Variants in FAM227B observed in about 807,000 individuals in gnomAD.
The protein encoded by FAM227B is family with sequence similarity 227 member B, also known as protein FAM227B.
Under a neutral mutation model 73.8 loss-of-function variants are expected in FAM227B, and 88 were observed. That is an observed-to-expected ratio of 1.19 (90% confidence interval 1.00 to 1.42). FAM227B has a LOEUF of 1.42. FAM227B is among the 40% of genes most tolerant of loss of function. FAM227B has a pLI of 0.00. For missense variants in FAM227B, 632 were observed against 590.9 expected (o/e 1.07, Z -0.72); for synonymous variants, 210 against 190.5 (o/e 1.10, Z -0.84).
chr15:49,544,867 G>C (rs559493473), intron 9 of FAM227B, among the ~76,000 whole-genome samples: 1 of 152,130 alleles, frequency 6.6e-6, no homozygotes, highest in Admixed American at 6.6e-5. Flanking sequence ...CTTGATCGTG[G>C]TGTATGATAT....
chr15:49,602,125 G>C (rs1308707672), intron 3 of FAM227B, among the ~76,000 whole-genome samples: 1 of 152,134 alleles, frequency 6.6e-6, no homozygotes, highest in Admixed American at 6.5e-5. Context: ...ATATCTCTTT[G>C]ACATACTGAT....
chr15:49,365,666 A>T lies in FAM227B; in HGVS notation c.1271+1782T>A, dbSNP rs969779517. 3.8e-6 allele frequency: 4 copies of T among 1,044,262 alleles called. No individual in the cohort carries two copies. In the African/African-American group the frequency reaches 4.7e-5, roughly 12 times the overall value. 64.7% of individuals were successfully genotyped at this position (1,044,262 alleles called of 1,614,324 possible). On this transcript the variant is annotated intron_variant, in intron 13 of 15. Transcript: ENST00000299338. ...AGGAGAAGGCCTAGAAGTATCACAC[A>T]TGACTTGAAGCTGGCCAACTTCAGT...
At chr15:49,453,903 G>A (rs913146655) in intron 11 of FAM227B, among the ~76,000 whole-genome samples, 2 of 152,120 alleles carry the variant, frequency 1.3e-5, no homozygotes, top group Non-Finnish European at 2.9e-5. Context: ...CAAAGTGGAA[G>A]CCTTGCATTC....
chr15:49,366,501 T>C, intron 13 of FAM227B: 1 of 1,269,240 alleles, frequency 7.9e-7, no homozygotes. Flanking sequence ...ATCAAACTAA[T>C]GGAAGTTGCA....
At chr15:49,391,242 A>T (rs1315697058) in intron 11 of FAM227B, among the ~76,000 whole-genome samples, 1 of 152,058 alleles carries the variant, frequency 6.6e-6, no homozygotes, top group Non-Finnish European at 1.5e-5. Flanking sequence ...TTATTCACAC[A>T]TTTCTTTAAG....
intron 11 of FAM227B, among the ~76,000 whole-genome samples, chr15:49,381,778 C>G (rs1391154626): frequency 6.6e-6 from 1 of 152,094 alleles, no homozygotes. Flanking sequence ...GTCTTCCAAG[C>G]AAACACAAGA....
intron 11 of FAM227B, among the ~76,000 whole-genome samples, chr15:49,493,973 T>G (rs1396472692): frequency 6.6e-6 from 1 of 151,836 alleles, no homozygotes; most frequent in African/African-American, 2.4e-5. Context: ...CTTCAAAATT[T>G]AAAACAATTA....
At chr15:49,389,828 A>G (rs939614331) in intron 11 of FAM227B, among the ~76,000 whole-genome samples, 20 of 152,026 alleles carry the variant, frequency 1.3e-4, no homozygotes, top group African/African-American at 4.8e-4. Flanking sequence ...AGAGCTATGT[A>G]TCAGAACTGA....
chr15:49,476,214 T>A (rs1181267872), intron 11 of FAM227B, among the ~76,000 whole-genome samples: 1 of 128,042 alleles, frequency 7.8e-6, no homozygotes, highest in African/African-American at 2.8e-5. Flanking sequence ...ATTTTGCTGT[T>A]TTGTTTTTTT....
At chr15:49,502,021 A>G (rs2058177780) in intron 11 of FAM227B, among the ~76,000 whole-genome samples, 1 of 152,358 alleles carries the variant, frequency 6.6e-6, no homozygotes, top group Non-Finnish European at 1.5e-5. Flanking sequence ...CTGTAGGTGC[A>G]CAGAATGCAA....
intron 9 of FAM227B, among the ~76,000 whole-genome samples, chr15:49,563,499 T>C (rs529667182): frequency 6.6e-6 from 1 of 152,232 alleles, no homozygotes; most frequent in South Asian, 2.1e-4. Context: ...TATTCTAAAA[T>C]TCATACAGAA....
intron 3 of FAM227B, among the ~76,000 whole-genome samples, chr15:49,603,800 T>C (rs1034295398): frequency 5.3e-5 from 8 of 152,204 alleles, no homozygotes; most frequent in South Asian, 2.1e-4. Context: ...CTGTCATATA[T>C]AGCTTTTATT....
intron 13 of FAM227B, among the ~76,000 whole-genome samples, chr15:49,355,212 C>T (rs1006762953): frequency 7.9e-5 from 12 of 152,194 alleles, no homozygotes; most frequent in Admixed American, 6.5e-5. Context: ...CGCAGTTCCT[C>T]ACCAGCAAAG....
At chr15:49,396,577 C>A (rs1313974320) in intron 11 of FAM227B, 3 of 156,356 alleles carry the variant, frequency 1.9e-5, no homozygotes, top group African/African-American at 7.2e-5. Flanking sequence ...ACAGTAACCT[C>A]TGCAGACTTA....
At chr15:49,587,372 C>G (rs1362693679) in intron 5 of FAM227B, among the ~76,000 whole-genome samples, 1 of 152,024 alleles carries the variant, frequency 6.6e-6, no homozygotes, top group Non-Finnish European at 1.5e-5. Flanking sequence ...GGAAAAATAA[C>G]TAATGGGCAC....
At chr15:49,351,744 G>A (rs1031712830) in intron 13 of FAM227B, among the ~76,000 whole-genome samples, 3 of 119,606 alleles carry the variant, frequency 2.5e-5, no homozygotes, top group Admixed American at 8.1e-5. Flanking sequence ...CCCAATGGAT[G>A]TCTCAGCTGA....
chr15:49,569,814 G>A (rs1247407336), intron 8 of FAM227B, among the ~76,000 whole-genome samples: 1 of 151,854 alleles, frequency 6.6e-6, no homozygotes, highest in Non-Finnish European at 1.5e-5. Context: ...CTACTGCTCT[G>A]CTCTCTACTT....
In FAM227B at chr15:49,573,173, T is replaced by C. The variant is rs191056171; in HGVS notation, c.645+1838A>G. Among the ~76,000 whole-genome samples the C allele has an allele frequency of 4.4e-3, 676 of 152,310 alleles. 10 individuals are homozygous for C. The highest frequency in any genetic ancestry group is 0.016 in the African/African-American group (645 of 41,580). ...TTCAAAATAATTTTTGATTTCCTTA[T>C]TGATTCCTGATTTGATCCATGGTAA... is the stretch of plus-strand genomic sequence containing the variant. On this transcript the variant is annotated intron_variant, in intron 8 of 15. Transcript: ENST00000299338.
chr15:49,491,736 T>C (rs72729123), intron 11 of FAM227B, among the ~76,000 whole-genome samples: 20 of 70,018 alleles, frequency 2.9e-4, no homozygotes, highest in Admixed American at 1.0e-3. Context: ...CACACACACA[T>C]ATATATATGC....
Sources: gnomAD v4.1 joint callset for allele counts (sites outside exome capture counted in the v4.1 genomes callset) on GRCh38, gnomAD v4.1.1 for gene constraint, MANE v1.5 for transcripts, NCBI Gene and HGNC (gene_info 2026-07-23, HGNC 2026-07-21) for gene names.